The following PTPRF variants were observed in gnomAD, a reference collection of about 807,000 sequenced individuals.
PTPRF encodes protein tyrosine phosphatase receptor type F, also known as receptor-type tyrosine-protein phosphatase F.
PTPRF carries 59 observed loss-of-function variants against 201.8 expected under a neutral mutation model. The observed-to-expected ratio is 0.29, with a 90% CI of 0.24 to 0.36. PTPRF has a LOEUF of 0.36. Ranked by LOEUF, PTPRF falls within the 10% of genes least tolerant of loss-of-function variation. The probability of loss-of-function intolerance (pLI) is 1.00; values close to 1 mark genes in which losing one functional copy is unlikely to be tolerated. For missense variants in PTPRF, 2,132 were observed against 2,690.5 expected (o/e 0.79, Z 4.59); for synonymous variants, 1,088 against 1,089.7 (o/e 1.00, Z 0.03).
intron 1 of PTPRF, among the ~76,000 whole-genome samples, chr1:43,535,195 C>G (rs527496381): frequency 2.0e-5 from 3 of 152,170 alleles, no homozygotes; most frequent in African/African-American, 7.2e-5. Flanking sequence ...AAAGGGGGTG[C>G]CTGCCCCTAT....
chr1:43,605,348 C>T lies in PTPRF; in HGVS notation c.3294C>T (p.Asp1098=). The change falls in exon 18 of 34, where the codon GAC becomes GAT. Residue 1098 remains aspartate, a synonymous_variant. Coordinates refer to ENST00000359947, the MANE Select transcript of PTPRF (RefSeq NM_002840.5). The part of the protein sequence containing the change: ...QHLVSIRTAP[D]LLPHKPLPAS... ...TGGTGTCCATCCGCACAGCCCCCGA[C>T]CTCCTGCCTCACAAGCCGCTGCCTG... 3 of 1,613,920 alleles carry T rather than the reference C, an allele frequency of 1.9e-6. No homozygotes were observed. Among genetic ancestry groups the T allele is most frequent in the Non-Finnish European group, 1.7e-6 (2 of 1,180,006 alleles).
At chr1:43,587,525 C>T (rs1378748757) in intron 7 of PTPRF, among the ~76,000 whole-genome samples, 1 of 152,178 alleles carries the variant, frequency 6.6e-6, no homozygotes, top group East Asian at 1.9e-4. Flanking sequence ...TTGCTTCTAG[C>T]TCTAGTTCTG....
intron 5 of PTPRF, among the ~76,000 whole-genome samples, chr1:43,555,328 G>GTC (rs397804368): frequency 6.6e-6 from 1 of 151,048 alleles, no homozygotes; most frequent in African/African-American, 2.4e-5. Flanking sequence ...GTGTGTGTGT[G>GTC]AACAGAAATG....
intron 30 of PTPRF, 89 bp from the exon 31 acceptor site, chr1:43,620,365 G>A: frequency 6.6e-7 from 1 of 1,522,748 alleles, no homozygotes; most frequent in Non-Finnish European, 8.9e-7. Flanking sequence ...ATTACTACCT[G>A]AGGCATCTGT....
At chr1:43,567,535 G>C (rs906753535) in intron 5 of PTPRF, among the ~76,000 whole-genome samples, 1 of 152,196 alleles carries the variant, frequency 6.6e-6, no homozygotes, top group African/African-American at 2.4e-5. Context: ...TTGCTCTCTA[G>C]CCTGAGACCT....
At chr1:43,589,410 CAT>C (rs1650027082) in intron 8 of PTPRF, among the ~76,000 whole-genome samples, 1 of 140,904 alleles carries the variant, frequency 7.1e-6, no homozygotes, top group South Asian at 2.3e-4. Context: ...GGTCTGAATC[CAT>C]ATCTCACCCT....
At chr1:43,535,110 T>C (rs1473171294) in intron 1 of PTPRF, among the ~76,000 whole-genome samples, 1 of 152,230 alleles carries the variant, frequency 6.6e-6, no homozygotes, top group East Asian at 1.9e-4. Flanking sequence ...GAAGATAGAC[T>C]GCTAAGGTTA....
At position 43,602,054 on chromosome 1, in the gene PTPRF, C is replaced by G; in HGVS notation, c.2314-17C>G. The G allele has an allele frequency of 6.2e-7, 1 of 1,611,826 alleles. No homozygotes were observed. Among genetic ancestry groups the G allele is most frequent in the Non-Finnish European group, 8.5e-7 (1 of 1,177,848 alleles). On this transcript the variant is annotated splice_polypyrimidine_tract_variant and intron_variant, in intron 13 of 33. Coordinates refer to ENST00000359947, the MANE Select transcript of PTPRF (RefSeq NM_002840.5). ...TTCACCATCCTGTCTCCCTTTCTCT[C>G]CCTCTCCCGCGGTCAGTGGCGGCCA...
intron 3 of PTPRF, among the ~76,000 whole-genome samples, chr1:43,545,468 T>C (rs915564832): frequency 1.3e-5 from 2 of 152,142 alleles, no homozygotes; most frequent in African/African-American, 4.8e-5. Context: ...GTGTGTGTGC[T>C]GTGTGCACTG....
chr1:43,612,709 G>A, intron 22 of PTPRF: 1 of 1,318,804 alleles, frequency 7.6e-7, no homozygotes, highest in South Asian at 1.2e-5. Flanking sequence ...AAAGTTAACG[G>A]GCTTTCTTTT....
intron 33 of PTPRF, 94 bp from the exon 34 acceptor site, chr1:43,621,841 A>C (rs1323466349): frequency 7.7e-7 from 1 of 1,303,344 alleles, no homozygotes; most frequent in Non-Finnish European, 1.1e-6. Flanking sequence ...CTTGGCCAGC[A>C]GAGGCTAACT....
intron 22 of PTPRF, among the ~76,000 whole-genome samples, chr1:43,612,271 C>T (rs568835361): frequency 2.0e-5 from 3 of 152,084 alleles, no homozygotes; most frequent in South Asian, 2.1e-4. Flanking sequence ...CAGTGAGCAG[C>T]GTGGCAAGTG....
intron 1 of PTPRF, among the ~76,000 whole-genome samples, chr1:43,533,268 G>T (rs1267768760): frequency 6.6e-6 from 1 of 152,088 alleles, no homozygotes; most frequent in Non-Finnish European, 1.5e-5. Flanking sequence ...GGTTGGCTTG[G>T]TGTACAAGGC....
chr1:43,549,793 G>A (rs184350451), intron 3 of PTPRF, among the ~76,000 whole-genome samples: 137 of 152,042 alleles, frequency 9.0e-4, no homozygotes, highest in African/African-American at 3.3e-3. Flanking sequence ...AGGTGGAGGC[G>A]GAGGTTACAG....
chr1:43,618,766 G>A lies in PTPRF; in HGVS notation c.4491+17G>A. The A allele has an allele frequency of 6.3e-7, 1 of 1,590,370 alleles. No homozygotes were observed. The highest frequency in any genetic ancestry group is 8.6e-7 in the Non-Finnish European group (1 of 1,160,730). Reference sequence around the variant, plus strand: ...CTCCACAAGGTATAGCCTTTCCCCAGTGCATATCTCTTACCCAGACACTGT... The same window carrying A: ...CTCCACAAGGTATAGCCTTTCCCCAATGCATATCTCTTACCCAGACACTGT... On this transcript the variant is annotated intron_variant, in intron 26 of 33. Coordinates refer to ENST00000359947, the MANE Select transcript of PTPRF (RefSeq NM_002840.5).
intron 6 of PTPRF, among the ~76,000 whole-genome samples, chr1:43,571,099 G>T (rs1646538537): frequency 6.6e-6 from 1 of 152,130 alleles, no homozygotes; most frequent in African/African-American, 2.4e-5. Context: ...TATAGTGCTT[G>T]GGGTGCCCGG....
chr1:43,594,402 G>A (rs1245524640), intron 11 of PTPRF, among the ~76,000 whole-genome samples: 1 of 151,390 alleles, frequency 6.6e-6, no homozygotes, highest in Non-Finnish European at 1.5e-5. Flanking sequence ...ACATGGTTAT[G>A]GTCACAAGGT....
At chr1:43,604,473 A>C (rs778204682) in intron 16 of PTPRF, among the ~76,000 whole-genome samples, 4 of 152,136 alleles carry the variant, frequency 2.6e-5, no homozygotes, top group Non-Finnish European at 4.4e-5. Flanking sequence ...TTGGGTGTGC[A>C]ACCTCCTGAT....
chr1:43,609,278 G>T, intron 21 of PTPRF, 105 bp from the exon 22 acceptor site: 1 of 858,562 alleles, frequency 1.2e-6, no homozygotes. Flanking sequence ...GGCAGTAGGA[G>T]GACAGAGCCG....
Sources: allele counts gnomAD v4.1 joint callset (sites outside exome capture counted in the v4.1 genomes callset), GRCh38; gene constraint gnomAD v4.1.1; transcripts MANE v1.5; gene names NCBI Gene and HGNC (gene_info 2026-07-23, HGNC 2026-07-21).